The following CADM2 variants were observed in gnomAD, a reference collection of about 807,000 sequenced individuals.
The protein encoded by CADM2 is immunoglobulin superfamily member 4D.
In CADM2, 12 loss-of-function variants were observed where a neutral mutation model predicts 49.8. The observed-to-expected ratio is 0.24, with a 90% CI of 0.15 to 0.39. The LOEUF (loss-of-function observed/expected upper bound fraction) is 0.39. Among genes scored for constraint, CADM2 ranks in the 10% least tolerant of loss-of-function variants. The probability of loss-of-function intolerance (pLI) is 1.00; values close to 1 mark genes in which losing one functional copy is unlikely to be tolerated. For missense variants in CADM2, 378 were observed against 492.3 expected, an observed-to-expected ratio of 0.77 and a Z score of 2.20; for synonymous variants, 214 against 175.4, an observed-to-expected ratio of 1.22 and a Z score of -1.74.
intron 1 of CADM2, among the ~76,000 whole-genome samples, chr3:85,099,845 A>G (rs912802503): frequency 6.6e-6 from 1 of 152,210 alleles, no homozygotes; most frequent in Non-Finnish European, 1.5e-5. Context: ...CTTTTAAAAT[A>G]ACAGCATAGG....
intron 1 of CADM2, among the ~76,000 whole-genome samples, chr3:85,532,194 T>TA (rs2061330012): frequency 1.4e-5 from 1 of 68,988 alleles, no homozygotes; most frequent in African/African-American, 3.1e-5. Context: ...ATAATAATAA[T>TA]AAAAAAATAA....
At chr3:85,078,641 A>G (rs1212712641) in intron 1 of CADM2, among the ~76,000 whole-genome samples, 1 of 151,810 alleles carries the variant, frequency 6.6e-6, no homozygotes, top group Non-Finnish European at 1.5e-5. Context: ...TCACAAGATC[A>G]TAGTGAATAG....
chr3:86,014,694 C>A, intron 8 of CADM2: 1 of 1,534,658 alleles, frequency 6.5e-7, no homozygotes, highest in Non-Finnish European at 8.8e-7. Context: ...ATTCAATACA[C>A]CGGAGGAACA....
At chr3:85,504,467 C>G (rs2040238347) in intron 1 of CADM2, among the ~76,000 whole-genome samples, 1 of 152,190 alleles carries the variant, frequency 6.6e-6, no homozygotes, top group Non-Finnish European at 1.5e-5. Flanking sequence ...TGCTGTTATT[C>G]TCTTATCTGG....
intron 8 of CADM2, among the ~76,000 whole-genome samples, chr3:86,031,017 TTAA>T (rs1350813580): frequency 6.6e-6 from 1 of 151,846 alleles, no homozygotes; most frequent in African/African-American, 2.4e-5. Context: ...GTTCTTTGAC[TTAA>T]TAATTTATAA....
At chr3:85,024,028 A>C (rs2034619158) in intron 1 of CADM2, among the ~76,000 whole-genome samples, 1 of 152,110 alleles carries the variant, frequency 6.6e-6, no homozygotes, top group Non-Finnish European at 1.5e-5. Flanking sequence ...GTGGGGGCTA[A>C]ATTTAAAGAT....
chr3:85,408,010 C>CAAAAAAAAAAAA (rs372349246), intron 1 of CADM2, among the ~76,000 whole-genome samples: 27 of 56,112 alleles, frequency 4.8e-4, no homozygotes, highest in Middle Eastern at 0.015. Flanking sequence ...AAAACAAAAC[C>CAAAAAAAAAAAA]AAAAAAAAAA....
intron 1 of CADM2, among the ~76,000 whole-genome samples, chr3:85,055,729 G>C (rs1008597189): frequency 6.6e-6 from 1 of 151,896 alleles, no homozygotes; most frequent in Non-Finnish European, 1.5e-5. Context: ...ATGATATTAG[G>C]GAATAGACTG....
intron 6 of CADM2, among the ~76,000 whole-genome samples, chr3:85,914,005 G>A (rs1717959210): frequency 6.6e-6 from 1 of 152,046 alleles, no homozygotes; most frequent in South Asian, 2.1e-4. Context: ...AGAAAAGATT[G>A]GAGAATTGCC....
chr3:85,761,337 G>C (rs1009741348), intron 2 of CADM2, among the ~76,000 whole-genome samples: 1 of 144,078 alleles, frequency 6.9e-6, no homozygotes, highest in African/African-American at 2.6e-5. Flanking sequence ...ATAATGGTAT[G>C]AATAAAAACT....
At chr3:85,491,184 G>C (rs2039654412) in intron 1 of CADM2, among the ~76,000 whole-genome samples, 1 of 152,156 alleles carries the variant, frequency 6.6e-6, no homozygotes, top group African/African-American at 2.4e-5. Flanking sequence ...CATTTTCAAA[G>C]CATACATGGA....
At chr3:85,867,442 A>G (rs2075765049) in intron 3 of CADM2, among the ~76,000 whole-genome samples, 1 of 152,060 alleles carries the variant, frequency 6.6e-6, no homozygotes, top group Non-Finnish European at 1.5e-5. Flanking sequence ...TATCGTGGAA[A>G]TATTTCCCAT....
intron 1 of CADM2, among the ~76,000 whole-genome samples, chr3:85,532,784 A>G (rs2061343730): frequency 6.6e-6 from 1 of 152,240 alleles, no homozygotes; most frequent in Admixed American, 6.5e-5. Context: ...TAGACTGGAT[A>G]AAGAAAATGT....
intron 1 of CADM2, among the ~76,000 whole-genome samples, chr3:85,396,165 A>G (rs1346894087): frequency 6.6e-6 from 1 of 151,658 alleles, no homozygotes; most frequent in Non-Finnish European, 1.5e-5. Flanking sequence ...GTGTAATTGG[A>G]GATTTTAAAT....
intron 2 of CADM2, among the ~76,000 whole-genome samples, chr3:85,755,151 T>A (rs1024523432): frequency 2.0e-5 from 3 of 152,082 alleles, no homozygotes; most frequent in Non-Finnish European, 4.4e-5. Context: ...CATCCCCAAT[T>A]CCATTGTCAG....
intron 8 of CADM2, among the ~76,000 whole-genome samples, chr3:86,026,351 G>A (rs79418378): frequency 2.0e-5 from 3 of 149,492 alleles, no homozygotes; most frequent in African/African-American, 7.4e-5. Flanking sequence ...TTTTTTTTTG[G>A]TTTTTTTTTG....
chr3:85,136,719 C>T lies in CADM2; in HGVS notation c.61+177051C>T, dbSNP rs9821908. 4.7e-3 allele frequency among the ~76,000 whole-genome samples: 716 copies of T among 151,908 alleles called. 2 individuals are homozygous for T. The highest frequency in any genetic ancestry group is 0.017 in the African/African-American group (686 of 41,524). On this transcript the variant is annotated intron_variant, in intron 1 of 9. Transcript: ENST00000383699. ...TGCAAAGAACTTCAAGAAAATAAGT[C>T]AATTAATTAATGCATTTTTAATGAC...
intron 1 of CADM2, among the ~76,000 whole-genome samples, chr3:85,185,642 G>C (rs1390728143): frequency 6.6e-6 from 1 of 151,936 alleles, no homozygotes; most frequent in Non-Finnish European, 1.5e-5. Context: ...ATATTTTCTT[G>C]ACAAGATGAA....
chr3:85,732,159 G>A (rs1227264310), intron 2 of CADM2, among the ~76,000 whole-genome samples: 1 of 151,084 alleles, frequency 6.6e-6, no homozygotes, highest in African/African-American at 2.4e-5. Context: ...TACTTCAGAG[G>A]CTGAGGCAGG....
Sources: allele counts gnomAD v4.1 joint callset (sites outside exome capture counted in the v4.1 genomes callset), GRCh38; gene constraint gnomAD v4.1.1; transcripts MANE v1.5; gene names NCBI Gene and HGNC (gene_info 2026-07-23, HGNC 2026-07-21).